Variants in USP28 observed in about 807,000 individuals in gnomAD.
USP28 encodes the protein ubiquitin specific peptidase 28.
In USP28, 113 loss-of-function variants were observed where a neutral mutation model predicts 145.0. The observed-to-expected ratio is 0.78, with a 90% CI of 0.67 to 0.91. The LOEUF (loss-of-function observed/expected upper bound fraction) is 0.91. Ranked by LOEUF, USP28 falls within the 40% of genes least tolerant of loss-of-function variation. The pLI is 0.00. For synonymous variants in USP28, 447 were observed against 450.9 expected, an observed-to-expected ratio of 0.99 and a Z score of 0.11; for missense variants, 1,201 against 1,289.6, an observed-to-expected ratio of 0.93 and a Z score of 1.05.
intron 17 of USP28, 47 bp from the exon 18 acceptor site, chr11:113,808,484 C>T: frequency 6.3e-7 from 1 of 1,595,888 alleles, no homozygotes; most frequent in Non-Finnish European, 8.6e-7. Context: ...GATAAATAGT[C>T]TAGAACACTC....
In USP28 at chr11:113,806,488, C is replaced by A; in HGVS notation, c.2400+1G>T. On this transcript the variant is annotated splice_donor_variant, in intron 19 of 24. Coordinates refer to ENST00000003302, the Ensembl canonical transcript of USP28. LOFTEE classifies it high-confidence loss of function. ...AATTAGAATTTTAAAAACAGAGATA[C>A]CTTAATCAGCCCTGCTTCAGACCCA... is the stretch of plus-strand genomic sequence containing the variant. 1.9e-6 allele frequency: 3 copies of A among 1,609,836 alleles called. No individual in the cohort carries two copies. The highest frequency in any genetic ancestry group is 2.5e-6 in the Non-Finnish European group (3 of 1,177,164).
At chr11:113,800,541 T>G (rs1234674281) in intron 24 of USP28, among the ~76,000 whole-genome samples, 1 of 152,118 alleles carries the variant, frequency 6.6e-6, no homozygotes, top group African/African-American at 2.4e-5. Context: ...GCCACCCACC[T>G]TGGCCTCCCA....
intron 2 of USP28, 142 bp downstream of exon 2, chr11:113,854,115 GA>G (rs1946780424): frequency 1.5e-6 from 1 of 682,094 alleles, no homozygotes; most frequent in African/African-American, 1.8e-5. Flanking sequence ...ACATGTTGAA[GA>G]CATTGGGTCA....
chr11:113,860,442 C>CAA (rs4020501), intron 1 of USP28, among the ~76,000 whole-genome samples: 51 of 134,606 alleles, frequency 3.8e-4, no homozygotes, highest in South Asian at 6.9e-4. Flanking sequence ...CCAAGGGAAG[C>CAA]AAAAAAAAAA....
At chr11:113,864,369 T>C (rs1269911261) in intron 1 of USP28, among the ~76,000 whole-genome samples, 2 of 152,092 alleles carry the variant, frequency 1.3e-5, no homozygotes, top group African/African-American at 2.4e-5. Flanking sequence ...AGGAGATAAA[T>C]ATAAGAGGTG....
At chr11:113,826,964 A>C (rs1408124076) in intron 11 of USP28, among the ~76,000 whole-genome samples, 1 of 151,522 alleles carries the variant, frequency 6.6e-6, no homozygotes, top group Non-Finnish European at 1.5e-5. Context: ...GTCTGCTAGG[A>C]GCACCCCCAC....
rs147188333 is a variant in USP28 at position 113,861,487 on chromosome 11, T to C, written c.58-7152A>G. Among the ~76,000 whole-genome samples the C allele has an allele frequency of 4.7e-3, 719 of 152,310 alleles. 10 individuals carry two copies. Among genetic ancestry groups the C allele is most frequent in the African/African-American group, 0.015 (633 of 41,574 alleles). On this transcript the variant is annotated intron_variant, in intron 1 of 24. Transcript: ENST00000003302. ...AAAAGTGTTTAAAATTTAGCCACTA[T>C]TATATCATGTAGAGGGGTTAAAACT... is the stretch of plus-strand genomic sequence containing the variant.
At chr11:113,822,227 G>A (rs969547030) in intron 12 of USP28, among the ~76,000 whole-genome samples, 5 of 152,134 alleles carry the variant, frequency 3.3e-5, no homozygotes, top group African/African-American at 1.2e-4. Context: ...TGAGGCAGGT[G>A]GATCACGAGG....
chr11:113,832,846 T>C (rs1377883286), intron 7 of USP28, among the ~76,000 whole-genome samples: 6 of 152,106 alleles, frequency 3.9e-5, no homozygotes, highest in Non-Finnish European at 8.8e-5. Context: ...TCACAGCTTA[T>C]TGCAGCCTCA....
intron 7 of USP28, among the ~76,000 whole-genome samples, chr11:113,832,791 G>A (rs762210373): frequency 6.6e-6 from 1 of 152,080 alleles, no homozygotes; most frequent in African/African-American, 2.4e-5. Flanking sequence ...TTTTTTCAGA[G>A]ACGGGGTCTC....
chr11:113,823,364 C>T (rs749701184), intron 12 of USP28, among the ~76,000 whole-genome samples: 1 of 152,254 alleles, frequency 6.6e-6, no homozygotes, highest in Non-Finnish European at 1.5e-5. Context: ...CTCCTTGGTA[C>T]ACTGCAGTAA....
intron 2 of USP28, among the ~76,000 whole-genome samples, chr11:113,853,878 C>CAAAAAAAAAAAAAAAAAA (rs57739058): frequency 4.1e-5 from 5 of 123,208 alleles, no homozygotes; most frequent in Non-Finnish European, 8.3e-5. Context: ...GACTCCATCT[C>CAAAAAAAAAAAAAAAAAA]AAAAAAAAAA....
At chr11:113,828,121 A>G (rs1023349470) in intron 10 of USP28, among the ~76,000 whole-genome samples, 1 of 152,250 alleles carries the variant, frequency 6.6e-6, no homozygotes, top group Non-Finnish European at 1.5e-5. Flanking sequence ...GTTCCTGTCA[A>G]CAGCTTTAAA....
intron 18 of USP28, 60 bp from the exon 19 acceptor site, chr11:113,808,196 G>C: frequency 1.3e-6 from 2 of 1,541,968 alleles, no homozygotes; most frequent in Non-Finnish European, 1.7e-6. Context: ...ATAGGGGTTG[G>C]TTAAAGGCAG....
intron 1 of USP28, 118 bp from the exon 2 acceptor site, chr11:113,854,453 G>A: frequency 1.1e-6 from 1 of 915,116 alleles, no homozygotes. Flanking sequence ...CCAGGCTGGA[G>A]TGCAGTGGCC....
chr11:113,800,826 AC>A (rs1191849640), intron 24 of USP28, among the ~76,000 whole-genome samples: 1 of 150,244 alleles, frequency 6.7e-6, no homozygotes, highest in African/African-American at 2.5e-5. Context: ...CCCTCCCATA[AC>A]CATACTCTGC....
chr11:113,815,544 G>A (rs779521538), intron 13 of USP28, among the ~76,000 whole-genome samples, 162 bp from the exon 14 acceptor site: 32 of 152,124 alleles, frequency 2.1e-4, no homozygotes, highest in Non-Finnish European at 3.4e-4. Context: ...ATCATCTCAC[G>A]TACCACAACT....
chr11:113,839,142 C>T (rs1451740191), intron 5 of USP28, among the ~76,000 whole-genome samples: 1 of 152,228 alleles, frequency 6.6e-6, no homozygotes, highest in Non-Finnish European at 1.5e-5. Flanking sequence ...TATCTGCCTA[C>T]ATGGTATCTC....
chr11:113,840,890 T>A, intron 4 of USP28, 133 bp from the exon 5 acceptor site: 22 of 1,135,540 alleles, frequency 1.9e-5, no homozygotes, highest in Non-Finnish European at 2.6e-5. Flanking sequence ...TCCCTAGCTA[T>A]ATAAGGAACT....
Sources: gnomAD v4.1 joint callset for allele counts (sites outside exome capture counted in the v4.1 genomes callset) on GRCh38, gnomAD v4.1.1 for gene constraint, MANE v1.5 for transcripts, NCBI Gene and HGNC (gene_info 2026-07-23, HGNC 2026-07-21) for gene names.